The following NLGN1 variants were observed in gnomAD, a reference collection of about 807,000 sequenced individuals.
NLGN1 encodes neuroligin 1.
In NLGN1, 12 loss-of-function variants were observed where a neutral mutation model predicts 65.5. The observed-to-expected ratio is 0.18, with a 90% CI of 0.12 to 0.30. The LOEUF is 0.30. Ranked by LOEUF, NLGN1 falls within the 10% of genes least tolerant of loss-of-function variation. The pLI, the probability that NLGN1 is intolerant of heterozygous loss-of-function variation, is 1.00. For synonymous variants in NLGN1, 350 were observed against 359.5 expected (o/e 0.97, Z 0.30); for missense variants, 750 against 1,007.1 (o/e 0.74, Z 3.46).
intron 4 of NLGN1, among the ~76,000 whole-genome samples, chr3:173,897,502 T>C (rs1424767474): frequency 1.3e-5 from 2 of 152,186 alleles, no homozygotes; most frequent in African/African-American, 4.8e-5. Context: ...TAGCTAAGGT[T>C]AGATGAGTTG....
At chr3:174,147,174 C>G (rs116357835) in intron 4 of NLGN1, among the ~76,000 whole-genome samples, 1,541 of 152,150 alleles carry the variant, frequency 0.01, 20 homozygotes, top group African/African-American at 0.036. Flanking sequence ...CAAACCACAG[C>G]TAAGCCTAGA....
chr3:173,415,904 T>TATATATATAG (rs1380777305), intron 1 of NLGN1, among the ~76,000 whole-genome samples: 5 of 125,438 alleles, frequency 4.0e-5, no homozygotes, highest in African/African-American at 1.3e-4. Context: ...TATATATATA[T>TATATATATAG]AGAGAGAGAG....
intron 2 of NLGN1, among the ~76,000 whole-genome samples, chr3:173,499,041 A>T (rs1205456820): frequency 2.0e-5 from 3 of 150,750 alleles, no homozygotes; most frequent in Non-Finnish European, 4.4e-5. Context: ...TTTGCTGTGC[A>T]GAAGCTCTTT....
At chr3:173,448,213 C>G (rs1225602162) in intron 2 of NLGN1, among the ~76,000 whole-genome samples, 2 of 152,024 alleles carry the variant, frequency 1.3e-5, no homozygotes, top group African/African-American at 4.8e-5. Flanking sequence ...ATAGATAGCT[C>G]TTATTATTTT....
intron 1 of NLGN1, among the ~76,000 whole-genome samples, chr3:173,415,919 G>GAGAGAGGGAGA (rs1713651073): frequency 1.6e-5 from 2 of 125,244 alleles, no homozygotes; most frequent in African/African-American, 6.6e-5. Flanking sequence ...AGAGAGAGAG[G>GAGAGAGGGAGA]GAGAGAGAGA....
Position 173,685,232 on chromosome 3 carries a change from G to T in NLGN1, c.493+80141G>T, listed in dbSNP as rs149184568. On this transcript the variant is annotated intron_variant, in intron 3 of 6. Coordinates refer to ENST00000457714, the Ensembl canonical transcript of NLGN1. ...CCCAATATTACAATAGACACAAAAT[G>T]AAACTTATTGGTCATTAGTAATTAT... 7.9e-5 allele frequency among the ~76,000 whole-genome samples: 12 copies of T among 152,252 alleles called. No individual in the cohort carries two copies. The East Asian group carries it at 2.3e-3, about 29-fold the overall frequency.
intron 4 of NLGN1, among the ~76,000 whole-genome samples, chr3:174,096,341 T>C (rs1393637447): frequency 6.6e-6 from 1 of 151,488 alleles, no homozygotes; most frequent in African/African-American, 2.4e-5. Context: ...CCATGAAGGG[T>C]TCTCCGCAGA....
rs1031394091 is a variant in NLGN1, at chr3:173,604,413, A to T, written c.-186A>T. ...GTCTGATAAATAGTGATGATTGAAG[A>T]TGCTGCTCCAATACATGTGAAATCA... is the stretch of plus-strand genomic sequence containing the variant. On this transcript the variant is annotated 5_prime_UTR_variant, in exon 3 of 7. The change abolishes an upstream ATG in the 5' untranslated region. Coordinates refer to ENST00000457714, the Ensembl canonical transcript of NLGN1. The T allele has an allele frequency of 1.5e-6, 1 of 669,498 alleles. No homozygotes were observed. The highest frequency in any genetic ancestry group is 2.4e-5 in the Admixed American group (1 of 41,580). The allele number at this position is 669,498 out of a possible 1,614,324, so 41.5% of individuals were successfully genotyped here. A position where few individuals can be genotyped will look rare whatever the true frequency, so the allele number is the denominator to read the frequency against.
At chr3:173,457,328 T>A (rs1287562832) in intron 2 of NLGN1, among the ~76,000 whole-genome samples, 1 of 152,164 alleles carries the variant, frequency 6.6e-6, no homozygotes, top group Non-Finnish European at 1.5e-5. Context: ...GCACAGTTGC[T>A]GCATGTGGTT....
intron 3 of NLGN1, among the ~76,000 whole-genome samples, chr3:173,756,910 C>A (rs921029504): frequency 6.6e-6 from 1 of 151,656 alleles, no homozygotes; most frequent in African/African-American, 2.4e-5. Context: ...TATACAAACA[C>A]TTCAAATAAT....
intron 4 of NLGN1, among the ~76,000 whole-genome samples, chr3:174,029,872 C>T (rs1358317650): frequency 1.3e-5 from 2 of 152,128 alleles, no homozygotes; most frequent in Non-Finnish European, 2.9e-5. Context: ...TGACTTTGCT[C>T]CTCATTTGCC....
chr3:173,429,706 C>G (rs1716842017), intron 1 of NLGN1, among the ~76,000 whole-genome samples: 1 of 152,188 alleles, frequency 6.6e-6, no homozygotes, highest in African/African-American at 2.4e-5. Context: ...GCCTCCTTTT[C>G]TGCACTAGAT....
intron 4 of NLGN1, among the ~76,000 whole-genome samples, chr3:174,189,576 T>TTA (rs1406377517): frequency 6.6e-6 from 1 of 151,916 alleles, no homozygotes; most frequent in East Asian, 1.9e-4. Context: ...GGGATATAAA[T>TTA]TATATATATG....
chr3:173,423,704 C>T (rs1430656129), intron 1 of NLGN1, among the ~76,000 whole-genome samples: 1 of 147,052 alleles, frequency 6.8e-6, no homozygotes, highest in African/African-American at 2.6e-5. Flanking sequence ...CCTGTGACTG[C>T]AGGGTACAAC....
intron 4 of NLGN1, among the ~76,000 whole-genome samples, chr3:174,050,583 G>A (rs1273902560): frequency 1.3e-5 from 2 of 152,018 alleles, no homozygotes; most frequent in Non-Finnish European, 2.9e-5. Flanking sequence ...GTTATGTCAC[G>A]TTTTGACAAC....
At chr3:174,110,245 G>A (rs1447337963) in intron 4 of NLGN1, among the ~76,000 whole-genome samples, 2 of 151,968 alleles carry the variant, frequency 1.3e-5, no homozygotes, top group Non-Finnish European at 2.9e-5. Flanking sequence ...ACATTTCCCT[G>A]TAGATTTGTG....
chr3:174,003,797 A>AT, intron 4 of NLGN1, among the ~76,000 whole-genome samples: 1 of 152,164 alleles, frequency 6.6e-6, no homozygotes, highest in African/African-American at 2.4e-5. Flanking sequence ...AAGGACTGGT[A>AT]TTTTTTTGCA....
chr3:173,620,887 A>C (rs908615685), intron 3 of NLGN1, among the ~76,000 whole-genome samples: 1 of 152,158 alleles, frequency 6.6e-6, no homozygotes, highest in Admixed American at 6.6e-5. Context: ...ATTTAGTTGT[A>C]GTGGAAATTG....
intron 4 of NLGN1, among the ~76,000 whole-genome samples, chr3:173,965,612 G>A (rs1414280865): frequency 4.0e-5 from 6 of 151,584 alleles, no homozygotes; most frequent in Non-Finnish European, 5.9e-5. Context: ...GCCACCCAAC[G>A]CGCTGGCCCA....
Sources: allele counts gnomAD v4.1 joint callset (sites outside exome capture counted in the v4.1 genomes callset), GRCh38; gene constraint gnomAD v4.1.1; transcripts MANE v1.5; gene names NCBI Gene and HGNC (gene_info 2026-07-23, HGNC 2026-07-21).